Variants in FGF14 observed in about 807,000 individuals in gnomAD.
FGF14 encodes fibroblast growth factor 14.
In FGF14, 5 loss-of-function variants were observed where a neutral mutation model predicts 25.5. The observed-to-expected ratio is 0.20, with a 90% CI of 0.10 to 0.41. FGF14 has a LOEUF of 0.41. FGF14 is among the 10% of genes least tolerant of loss of function. FGF14 has a pLI of 1.00. For missense variants in FGF14, 222 were observed against 320.1 expected (o/e 0.69, Z 2.34); for synonymous variants, 138 against 118.3 (o/e 1.17, Z -1.08).
At chr13:101,865,376 A>G (rs964498880) in intron 3 of FGF14, among the ~76,000 whole-genome samples, 7 of 152,076 alleles carry the variant, frequency 4.6e-5, no homozygotes, top group African/African-American at 1.7e-4. Flanking sequence ...TAAACTGTCT[A>G]ATTTTTTGGC....
chr13:101,749,661 A>G (rs913512146), intron 3 of FGF14, among the ~76,000 whole-genome samples: 1 of 152,132 alleles, frequency 6.6e-6, no homozygotes, highest in Non-Finnish European at 1.5e-5. Context: ...AAATCTATAT[A>G]AAGATTTGGA....
At chr13:102,146,717 C>G (rs2046870402) in intron 1 of FGF14, among the ~76,000 whole-genome samples, 1 of 152,090 alleles carries the variant, frequency 6.6e-6, no homozygotes, top group South Asian at 2.1e-4. Flanking sequence ...ATATAAAAAT[C>G]CTCCAAAAAA....
At chr13:101,865,006 G>T (rs2044625084) in intron 3 of FGF14, among the ~76,000 whole-genome samples, 1 of 152,106 alleles carries the variant, frequency 6.6e-6, no homozygotes, top group African/African-American at 2.4e-5. Context: ...CACAGGTATT[G>T]GTTGTCAGAT....
chr13:101,998,822 G>A (rs2039324775), intron 1 of FGF14, among the ~76,000 whole-genome samples: 1 of 152,160 alleles, frequency 6.6e-6, no homozygotes, highest in Admixed American at 6.5e-5. Context: ...TGTTTCCCTA[G>A]GGGTGAGTGG....
intron 1 of FGF14, among the ~76,000 whole-genome samples, chr13:101,891,279 C>A (rs1292648818): frequency 6.6e-6 from 1 of 152,122 alleles, no homozygotes; most frequent in Non-Finnish European, 1.5e-5. Context: ...ATCACATTGG[C>A]CTTCCCTGTC....
intron 3 of FGF14, among the ~76,000 whole-genome samples, chr13:101,783,454 G>A (rs1234243163): frequency 6.9e-6 from 1 of 144,056 alleles, no homozygotes; most frequent in African/African-American, 2.5e-5. Flanking sequence ...TGGTGACAGA[G>A]CGAGACTCTG....
At chr13:102,000,305 C>A (rs935504486) in intron 1 of FGF14, among the ~76,000 whole-genome samples, 3 of 152,092 alleles carry the variant, frequency 2.0e-5, no homozygotes, top group Non-Finnish European at 4.4e-5. Flanking sequence ...GGCGACAGAG[C>A]AAGACTCCGT....
intron 1 of FGF14, among the ~76,000 whole-genome samples, chr13:102,291,283 C>T (rs1435797149): frequency 2.0e-5 from 3 of 152,158 alleles, no homozygotes; most frequent in African/African-American, 7.2e-5. Flanking sequence ...GCCTTTTCTT[C>T]TTTTGAAACT....
chr13:102,103,893 T>C (rs1401081068), intron 1 of FGF14, among the ~76,000 whole-genome samples: 1 of 152,166 alleles, frequency 6.6e-6, no homozygotes, highest in African/African-American at 2.4e-5. Context: ...ACATTGGCCA[T>C]GGTCATCCAC....
intron 1 of FGF14, among the ~76,000 whole-genome samples, chr13:102,379,069 TG>T: frequency 6.6e-6 from 1 of 152,284 alleles, no homozygotes; most frequent in East Asian, 1.9e-4. Flanking sequence ...TGGAGGACAC[TG>T]TCTATTAAAG....
chr13:101,774,532 T>C lies in FGF14; in HGVS notation c.409-47722A>G, dbSNP rs151111680. ...TACGGCCAGAGGAATGAAGGTAGTC[T>C]TGCTGGTTTAGAAGCCCTGCCTACC... On this transcript the variant is annotated intron_variant, in intron 3 of 4. Coordinates refer to ENST00000376143, the MANE Select transcript of FGF14 (RefSeq NM_004115.4). 2.9e-3 allele frequency among the ~76,000 whole-genome samples: 438 copies of C among 152,226 alleles called. 1 individual carries two copies. Among genetic ancestry groups the C allele is most frequent in the South Asian group, 4.4e-3 (21 of 4,826 alleles).
chr13:101,933,581 G>A (rs1328160706), intron 1 of FGF14, among the ~76,000 whole-genome samples: 1 of 152,100 alleles, frequency 6.6e-6, no homozygotes, highest in Middle Eastern at 3.2e-3. Context: ...AAAATTATCT[G>A]GACTTGGGGG....
At chr13:101,756,187 A>G (rs1212077387) in intron 3 of FGF14, among the ~76,000 whole-genome samples, 2 of 152,220 alleles carry the variant, frequency 1.3e-5, no homozygotes, top group African/African-American at 2.4e-5. Context: ...TCCAAAGTTA[A>G]TATCTCCTTA....
chr13:102,114,047 C>G (rs2045352125), intron 1 of FGF14, among the ~76,000 whole-genome samples: 2 of 152,156 alleles, frequency 1.3e-5, no homozygotes, highest in South Asian at 4.1e-4. Flanking sequence ...AAGAAAATAT[C>G]ACAAGATTGG....
At chr13:102,330,881 T>C (rs913727851) in intron 1 of FGF14, among the ~76,000 whole-genome samples, 2 of 152,244 alleles carry the variant, frequency 1.3e-5, no homozygotes, top group Admixed American at 1.3e-4. Flanking sequence ...CTTTGTCTAC[T>C]TTATTTTCTG....
intron 1 of FGF14, among the ~76,000 whole-genome samples, chr13:102,235,148 A>C (rs1184733702): frequency 6.6e-6 from 1 of 152,228 alleles, no homozygotes; most frequent in Non-Finnish European, 1.5e-5. Context: ...GAAACAAAAA[A>C]CACAAAATCA....
chr13:102,080,829 A>G (rs76163059), intron 1 of FGF14, among the ~76,000 whole-genome samples: 1 of 152,178 alleles, frequency 6.6e-6, no homozygotes, highest in Non-Finnish European at 1.5e-5. Flanking sequence ...TAGATTTGTC[A>G]TATTGTGCCA....
intron 1 of FGF14, among the ~76,000 whole-genome samples, chr13:102,307,507 A>G (rs1566923931): frequency 6.6e-6 from 1 of 152,192 alleles, no homozygotes; most frequent in Non-Finnish European, 1.5e-5. Flanking sequence ...TAAATTCTGT[A>G]CAATATCCAG....
At chr13:101,733,349 G>A (rs1320584483) in intron 3 of FGF14, among the ~76,000 whole-genome samples, 1 of 151,962 alleles carries the variant, frequency 6.6e-6, no homozygotes, top group Non-Finnish European at 1.5e-5. Context: ...TGTAATCCCA[G>A]CACTTTGGGA....
Sources: gnomAD v4.1 joint callset for allele counts (sites outside exome capture counted in the v4.1 genomes callset) on GRCh38, gnomAD v4.1.1 for gene constraint, MANE v1.5 for transcripts, NCBI Gene and HGNC (gene_info 2026-07-23, HGNC 2026-07-21) for gene names.